Variants in KIF21A observed in about 807,000 individuals in gnomAD.
KIF21A encodes the protein kinesin-like protein KIF21A.
In KIF21A, 114 loss-of-function variants were observed where a neutral mutation model predicts 202.9. The ratio of observed to expected loss-of-function variants is 0.56; its 90% confidence interval spans 0.48 to 0.66. The LOEUF (loss-of-function observed/expected upper bound fraction) is 0.66, where lower values mean the gene tolerates loss of function less well. KIF21A is among the 30% of genes least tolerant of loss of function. The pLI is 0.00. For missense variants in KIF21A, 1,677 were observed against 1,994.9 expected, an observed-to-expected ratio of 0.84 and a Z score of 3.04; for synonymous variants, 667 against 670.8, an observed-to-expected ratio of 0.99 and a Z score of 0.09.
chr12:39,404,857 T>C (rs1952458153), intron 1 of KIF21A, among the ~76,000 whole-genome samples: 1 of 152,242 alleles, frequency 6.6e-6, no homozygotes, highest in Admixed American at 6.5e-5. Flanking sequence ...GATACCTTCA[T>C]ACTATTTCAG....
chr12:39,393,500 G>A (rs188474996), intron 1 of KIF21A, among the ~76,000 whole-genome samples: 34 of 152,202 alleles, frequency 2.2e-4, no homozygotes, highest in Non-Finnish European at 2.6e-4. Flanking sequence ...GGCTGTGTTC[G>A]CAACTCCATT....
chr12:39,359,756 G>A (rs540955330), intron 7 of KIF21A, among the ~76,000 whole-genome samples: 1 of 152,070 alleles, frequency 6.6e-6, no homozygotes, highest in East Asian at 1.9e-4. Flanking sequence ...AGCCTTCTTT[G>A]ACCCACAACA....
At chr12:39,309,893 C>T (rs1943853497) in intron 32 of KIF21A, 127 bp from the exon 33 acceptor site, 1 of 798,332 alleles carries the variant, frequency 1.3e-6, no homozygotes, top group Non-Finnish European at 2.0e-6. Flanking sequence ...ATTAACATAC[C>T]ACAAGGATCC....
At chr12:39,308,998 C>G (rs548123207) in intron 33 of KIF21A, among the ~76,000 whole-genome samples, 2 of 152,096 alleles carry the variant, frequency 1.3e-5, no homozygotes, top group South Asian at 4.2e-4. Flanking sequence ...TCATCAATAT[C>G]ACAGCAAAAA....
intron 12 of KIF21A, among the ~76,000 whole-genome samples, chr12:39,343,568 TA>T (rs1947633656): frequency 6.6e-6 from 1 of 152,170 alleles, no homozygotes; most frequent in African/African-American, 2.4e-5. Flanking sequence ...GCTTCTAGGC[TA>T]AAAACTTAAT....
chr12:39,391,733 CGTTGTT>C (rs35775183), intron 1 of KIF21A, among the ~76,000 whole-genome samples: 2 of 150,774 alleles, frequency 1.3e-5, no homozygotes, highest in African/African-American at 2.5e-5. Context: ...CTGCAATTTT[CGTTGTT>C]GTTGTTGTTG....
chr12:39,441,953 C>A (rs944781107), intron 1 of KIF21A, among the ~76,000 whole-genome samples: 4 of 152,114 alleles, frequency 2.6e-5, no homozygotes, highest in African/African-American at 9.7e-5. Flanking sequence ...GTGAAAGCCA[C>A]GCACTTACTC....
rs1244589483 is a variant in KIF21A at position 39,358,358 on chromosome 12, T to C, written c.1035A>G (p.Ile345Met). 6.2e-7 allele frequency: 1 copy of C among 1,614,088 alleles called. No individual in the cohort carries two copies. The highest frequency in any genetic ancestry group is 1.3e-5 in the African/African-American group (1 of 75,054). The change falls in exon 8 of 38, where the codon ATA becomes ATG. Residue 345 changes from isoleucine (I) to methionine (M), a missense_variant. Coordinates refer to ENST00000361418, the MANE Select transcript of KIF21A (RefSeq NM_001173464.2). The part of the protein sequence containing the change: ...SLGGNSQTIM[I>M]ACVSPSDRDF... ...CTCTGTCTGAAGGGCTGACACATGC[T>C]ATCATGATTGTTTGGCTGAAAGTTA...
Position 39,330,899 on chromosome 12 carries a change from CA to C in KIF21A, c.3165del (p.Ala1056ProfsTer19), listed in dbSNP as rs1462649488. On this transcript the variant is annotated frameshift_variant, in exon 23 of 38. Coordinates refer to ENST00000361418, the MANE Select transcript of KIF21A (RefSeq NM_001173464.2). LOFTEE classifies it high-confidence loss of function. Reference sequence around the variant, plus strand: ...ACTTTAATTTGAGCCTCTTTCTGGGCAGCCTGAAGACCCTGAAACACAACAA... The same window carrying C: ...ACTTTAATTTGAGCCTCTTTCTGGGCGCCTGAAGACCCTGAAACACAACAA... ...LSMGINKGLQ[A>X]AQKEAQIKVL... The C allele has an allele frequency of 6.2e-7, 1 of 1,613,926 alleles. No homozygotes were observed. Among genetic ancestry groups the C allele is most frequent in the Admixed American group, 1.7e-5 (1 of 60,006 alleles).
Position 39,367,085 on chromosome 12 carries a change from T to C in KIF21A, c.680A>G (p.His227Arg). ...TQMNVQSSRS[H>R]AIFTIHVCQT... ...ACACACATGAATGGTAAAAATGGCA[T>C]GTGAACGAGAGCTCTGAACATTCAT... Residue 227 changes from histidine (H) to arginine (R), a missense_variant, in exon 5 of 38, where the codon CAT becomes CGT. His to Arg is a conservative substitution (Grantham distance 29). Around this residue, in one of 3 missense-constraint regions of KIF21A, gnomAD observed 966 missense variants for 1,180.9 expected, o/e 0.82. Coordinates refer to ENST00000361418, the MANE Select transcript of KIF21A (RefSeq NM_001173464.2). 6.2e-7 allele frequency: 1 copy of C among 1,613,752 alleles called. No homozygotes were observed. The highest frequency in any genetic ancestry group is 8.5e-7 in the Non-Finnish European group (1 of 1,179,688).
chr12:39,424,120 C>T (rs745995467), intron 1 of KIF21A, among the ~76,000 whole-genome samples: 1 of 151,344 alleles, frequency 6.6e-6, no homozygotes, highest in African/African-American at 2.4e-5. Context: ...GTCTCATTAA[C>T]CTACTGTAAT....
rs113049289 is a variant in KIF21A at position 39,408,914 on chromosome 12, G to A, written c.44+34013C>T. 8.3e-3 allele frequency among the ~76,000 whole-genome samples: 1,266 copies of A among 151,938 alleles called. 16 individuals carry two copies. The highest frequency in any genetic ancestry group is 0.029 in the African/African-American group (1,190 of 41,454). On this transcript the variant is annotated intron_variant, in intron 1 of 37. Coordinates refer to ENST00000361418, the MANE Select transcript of KIF21A (RefSeq NM_001173464.2). ...GGCTCACTGCAGCCTCAACCTTCTG[G>A]GCTCAAGTGATCCTCCCACCTCAAC... is the stretch of plus-strand genomic sequence containing the variant.
intron 1 of KIF21A, among the ~76,000 whole-genome samples, chr12:39,424,726 T>A (rs968264229): frequency 6.6e-6 from 1 of 152,160 alleles, no homozygotes; most frequent in African/African-American, 2.4e-5. Context: ...TGTACTGTTA[T>A]TTTTTTAGCC....
chr12:39,326,376 TG>T, intron 24 of KIF21A, 52 bp from the exon 25 acceptor site: 1 of 1,235,610 alleles, frequency 8.1e-7, no homozygotes, highest in Non-Finnish European at 1.2e-6. Flanking sequence ...ACAGTTTGAA[TG>T]GTGACTGCAA....
intron 24 of KIF21A, among the ~76,000 whole-genome samples, chr12:39,329,605 G>C (rs56154721): frequency 0.068 from 10,341 of 152,086 alleles, 542 homozygotes; most frequent in South Asian, 0.29. Context: ...AGAAGCAAGA[G>C]AGGGAGGGAG....
intron 1 of KIF21A, among the ~76,000 whole-genome samples, chr12:39,386,963 C>A (rs1950984486): frequency 6.6e-6 from 1 of 151,982 alleles, no homozygotes; most frequent in Admixed American, 6.6e-5. Context: ...AAGGTATTAC[C>A]TTCTCACCTA....
At position 39,396,010 on chromosome 12, in the gene KIF21A, C is replaced by A. The variant is rs1951725409; in HGVS notation, c.45-25749G>T. Among the ~76,000 whole-genome samples, 4 of 151,978 alleles carry A rather than the reference C, an allele frequency of 2.6e-5. No homozygotes were observed. The East Asian group carries it at 7.8e-4, about 29-fold the overall frequency. ...GAGGCTAATCTTGAAACAAACCAGGCACAGGGCCCCTGTGGAATCCTCCCG... is the reference window on the plus strand; with the variant it reads ...GAGGCTAATCTTGAAACAAACCAGGAACAGGGCCCCTGTGGAATCCTCCCG... On this transcript the variant is annotated intron_variant, in intron 1 of 37. Transcript: ENST00000361418.
chr12:39,326,074 A>G (rs946431001), intron 25 of KIF21A, among the ~76,000 whole-genome samples, 181 bp from the exon 26 acceptor site: 1 of 152,238 alleles, frequency 6.6e-6, no homozygotes, highest in African/African-American at 2.4e-5. Context: ...AAATATTTCA[A>G]TATTTTCATT....
intron 35 of KIF21A, among the ~76,000 whole-genome samples, chr12:39,303,700 G>GA (rs1267846908): frequency 1.3e-5 from 2 of 152,016 alleles, no homozygotes; most frequent in African/African-American, 2.4e-5. Context: ...CAATCCAGTT[G>GA]AAATTCAAAT....
Sources: gnomAD v4.1 joint callset for allele counts (sites outside exome capture counted in the v4.1 genomes callset) on GRCh38, gnomAD v4.1.1 for gene constraint, gnomAD v4.1.1 regional missense constraint, MANE v1.5 for transcripts, NCBI Gene and HGNC (gene_info 2026-07-23, HGNC 2026-07-21) for gene names.